The following GPR158 variants were observed in gnomAD, a reference collection of about 807,000 sequenced individuals.
GPR158 encodes metabotropic glycine receptor.
A neutral mutation model predicts 78.2 loss-of-function variants in GPR158; 30 were observed. The ratio of observed to expected loss-of-function variants is 0.38; its 90% CI spans 0.29 to 0.52. The LOEUF is 0.52. Among genes scored for constraint, GPR158 ranks in the 20% least tolerant of loss-of-function variants. GPR158 has a pLI of 0.83. For synonymous variants in GPR158, 581 were observed against 591.1 expected, an observed-to-expected ratio of 0.98 and a Z score of 0.25; for missense variants, 1,463 against 1,523.5, an observed-to-expected ratio of 0.96 and a Z score of 0.66.
intron 2 of GPR158, among the ~76,000 whole-genome samples, chr10:25,337,009 ATAAG>A (rs72194296): frequency 0.037 from 5,671 of 152,184 alleles, 351 homozygotes; most frequent in African/African-American, 0.13. Flanking sequence ...AAATGGAAAA[ATAAG>A]TAATTTATAA....
intron 2 of GPR158, among the ~76,000 whole-genome samples, chr10:25,345,096 G>A (rs1025702742): frequency 3.9e-5 from 6 of 151,912 alleles, no homozygotes; most frequent in Non-Finnish European, 5.9e-5. Context: ...ACAGGCATTC[G>A]GACCACAGCA....
rs1295319894 is a variant in GPR158 at position 25,319,665 on chromosome 10, T to G, written c.1009-76246T>G. Among the ~76,000 whole-genome samples, 4 of 152,240 alleles carry G rather than the reference T, an allele frequency of 2.6e-5. No individual in the cohort carries two copies. The East Asian group carries it at 7.7e-4, about 29-fold the overall frequency. Reference sequence around the variant, plus strand: ...AAAAGAACATTATAATTAAGATAAATAGTTGCTGGTTGAGAAATTTTTTCT... The same window carrying G: ...AAAAGAACATTATAATTAAGATAAAGAGTTGCTGGTTGAGAAATTTTTTCT... On this transcript the variant is annotated intron_variant, in intron 2 of 10. Coordinates refer to ENST00000376351, the MANE Select transcript of GPR158 (RefSeq NM_020752.3).
At chr10:25,392,280 G>T (rs1001591696) in intron 2 of GPR158, among the ~76,000 whole-genome samples, 4 of 152,190 alleles carry the variant, frequency 2.6e-5, no homozygotes, top group African/African-American at 9.6e-5. Flanking sequence ...TGCAGCTGGT[G>T]TGCCTTGCTG....
chr10:25,580,017 C>T (rs1266234578), intron 7 of GPR158, among the ~76,000 whole-genome samples: 1 of 152,168 alleles, frequency 6.6e-6, no homozygotes, highest in African/African-American at 2.4e-5. Context: ...CACCTCTCTT[C>T]ATGGTTGTGA....
At chr10:25,193,377 G>T (rs1324545291) in intron 1 of GPR158, among the ~76,000 whole-genome samples, 1 of 152,142 alleles carries the variant, frequency 6.6e-6, no homozygotes, top group Non-Finnish European at 1.5e-5. Context: ...AAGGAAGGAT[G>T]AGAAGATGTT....
chr10:25,468,592 T>A (rs1011704654), intron 5 of GPR158, among the ~76,000 whole-genome samples: 1 of 152,178 alleles, frequency 6.6e-6, no homozygotes, highest in Non-Finnish European at 1.5e-5. Context: ...CACCAATTAA[T>A]GTTGGAAAAA....
rs1588932019 is a variant in GPR158, at chr10:25,600,513, T to A, written c.*1239T>A. 1 of 152,232 alleles carries A rather than the reference T, an allele frequency of 6.6e-6. No individual in the cohort carries two copies. Among genetic ancestry groups the A allele is most frequent in the South Asian group, 2.1e-4 (1 of 4,824 alleles). The allele number at this position is 152,232 out of a possible 1,614,324, so 9.4% of individuals were successfully genotyped here. A position where few individuals can be genotyped will look rare whatever the true frequency, so the allele number is the denominator to read the frequency against. ...GAGAAAAATTATGGTAGCATCAAGATCATTGTATGGATATATTTTTATTAT... is the reference window on the plus strand; with the variant it reads ...GAGAAAAATTATGGTAGCATCAAGAACATTGTATGGATATATTTTTATTAT... On this transcript the variant is annotated 3_prime_UTR_variant, in exon 11 of 11. Coordinates refer to ENST00000376351, the MANE Select transcript of GPR158 (RefSeq NM_020752.3).
chr10:25,325,444 T>A (rs1855016299), intron 2 of GPR158, among the ~76,000 whole-genome samples: 1 of 143,108 alleles, frequency 7.0e-6, no homozygotes, highest in Non-Finnish European at 1.5e-5. Context: ...AATATATATA[T>A]GTATGTCTAA....
At chr10:25,383,258 G>A (rs1454125597) in intron 2 of GPR158, among the ~76,000 whole-genome samples, 1 of 152,212 alleles carries the variant, frequency 6.6e-6, no homozygotes, top group Admixed American at 6.5e-5. Flanking sequence ...CATCTTGCTA[G>A]TGTCAAGCTT....
At chr10:25,545,133 T>G (rs777184866) in intron 5 of GPR158, among the ~76,000 whole-genome samples, 5 of 152,226 alleles carry the variant, frequency 3.3e-5, no homozygotes, top group Non-Finnish European at 4.4e-5. Context: ...TGGTTGCAAG[T>G]CTCTGCTGTT....
chr10:25,593,354 AAT>A (rs981783874), intron 8 of GPR158, among the ~76,000 whole-genome samples: 11 of 152,080 alleles, frequency 7.2e-5, no homozygotes, highest in African/African-American at 2.4e-4. Context: ...TTTAGCCATT[AAT>A]ATATGTTTGT....
intron 2 of GPR158, among the ~76,000 whole-genome samples, chr10:25,322,852 G>T (rs116737070): frequency 0.025 from 3,805 of 151,630 alleles, 167 homozygotes; most frequent in African/African-American, 0.087. Flanking sequence ...CTTTTTTTTT[G>T]TTTGTTTGTT....
intron 2 of GPR158, among the ~76,000 whole-genome samples, chr10:25,328,851 C>T (rs1394862620): frequency 2.2e-5 from 3 of 134,250 alleles, no homozygotes; most frequent in Admixed American, 8.2e-5. Context: ...TGATTGAACT[C>T]GGGAGGCGGA....
At chr10:25,514,561 G>C (rs1836134907) in intron 5 of GPR158, among the ~76,000 whole-genome samples, 1 of 152,068 alleles carries the variant, frequency 6.6e-6, no homozygotes. Context: ...TCCTCATGCT[G>C]TTTGTTGCCC....
At chr10:25,270,323 GT>G (rs1297378064) in intron 2 of GPR158, among the ~76,000 whole-genome samples, 1 of 152,092 alleles carries the variant, frequency 6.6e-6, no homozygotes, top group East Asian at 1.9e-4. Context: ...CACCTGAACA[GT>G]TTGATTTTTT....
chr10:25,429,683 C>G (rs538169374), intron 4 of GPR158, among the ~76,000 whole-genome samples: 3 of 150,812 alleles, frequency 2.0e-5, no homozygotes, highest in Non-Finnish European at 3.0e-5. Flanking sequence ...GGCTTCATCC[C>G]TGGGATGCAA....
chr10:25,207,576 A>G (rs1179262797), intron 1 of GPR158, among the ~76,000 whole-genome samples: 1 of 152,034 alleles, frequency 6.6e-6, no homozygotes, highest in Non-Finnish European at 1.5e-5. Context: ...TGCTCCTGTG[A>G]GAATCGAATG....
chr10:25,554,374 T>C (rs1460863432), intron 6 of GPR158, among the ~76,000 whole-genome samples: 1 of 152,182 alleles, frequency 6.6e-6, no homozygotes, highest in Non-Finnish European at 1.5e-5. Context: ...TTTTGTTTTA[T>C]TTCAGCCATT....
At chr10:25,252,976 C>CCTA (rs1853831952) in intron 2 of GPR158, among the ~76,000 whole-genome samples, 3 of 152,184 alleles carry the variant, frequency 2.0e-5, no homozygotes, top group Admixed American at 1.3e-4. Flanking sequence ...ATTCCGTGGG[C>CCTA]GTAGGACCCT....
Sources: allele counts gnomAD v4.1 joint callset (sites outside exome capture counted in the v4.1 genomes callset), GRCh38; gene constraint gnomAD v4.1.1; transcripts MANE v1.5; gene names NCBI Gene and HGNC (gene_info 2026-07-23, HGNC 2026-07-21).